The following EDARADD variants were observed in gnomAD, a reference collection of about 807,000 sequenced individuals.
The protein encoded by EDARADD is EDAR associated via death domain, also known as ectodysplasin-A receptor-associated adapter protein.
Under a neutral mutation model 25.6 loss-of-function variants are expected in EDARADD, and 20 were observed. That is an observed-to-expected ratio of 0.78 (90% CI 0.55 to 1.14). The LOEUF is 1.14. EDARADD is among the 50% of genes most tolerant of loss of function. The pLI, the probability that EDARADD is intolerant of heterozygous loss-of-function variation, is 0.00. For synonymous variants in EDARADD, 86 were observed against 94.4 expected (o/e 0.91, Z 0.52); for missense variants, 225 against 270.1 (o/e 0.83, Z 1.17).
At chr1:236,397,303 G>T (rs149658178) in intron 1 of EDARADD, among the ~76,000 whole-genome samples, 3 of 152,038 alleles carry the variant, frequency 2.0e-5, no homozygotes, top group African/African-American at 7.2e-5. Flanking sequence ...CCAGCTACTC[G>T]GGGGGCTGAG....
chr1:236,415,017 C>T (rs745610432), intron 3 of EDARADD, among the ~76,000 whole-genome samples: 2 of 152,134 alleles, frequency 1.3e-5, no homozygotes, highest in South Asian at 2.1e-4. Flanking sequence ...GATTTCCCCC[C>T]GTGGAGGGAA....
At chr1:236,362,656 T>G (rs1301553827) in intron 3 of EDARADD, among the ~76,000 whole-genome samples, 1 of 152,154 alleles carries the variant, frequency 6.6e-6, no homozygotes, top group Non-Finnish European at 1.5e-5. Flanking sequence ...CTCCTTTGCT[T>G]CTTCTAGAAG....
chr1:236,365,422 A>G (rs1371314859), intron 3 of EDARADD, among the ~76,000 whole-genome samples: 3 of 152,116 alleles, frequency 2.0e-5, no homozygotes, highest in Non-Finnish European at 4.4e-5. Flanking sequence ...TGGCTTCCCA[A>G]AGTTCTAGCA....
chr1:236,360,706 C>A (rs1424258929), intron 3 of EDARADD, among the ~76,000 whole-genome samples: 1 of 151,880 alleles, frequency 6.6e-6, no homozygotes, highest in Non-Finnish European at 1.5e-5. Context: ...CCACTGTGCC[C>A]AGCTAATTTT....
intron 1 of EDARADD, among the ~76,000 whole-genome samples, chr1:236,403,339 G>A (rs564934912): frequency 6.6e-6 from 1 of 152,126 alleles, no homozygotes; most frequent in African/African-American, 2.4e-5. Flanking sequence ...CCAGGCTGGA[G>A]TGCAGTGGCG....
chr1:236,430,989 G>A (rs1170371069), intron 4 of EDARADD, among the ~76,000 whole-genome samples: 5 of 152,274 alleles, frequency 3.3e-5, no homozygotes, highest in Non-Finnish European at 4.4e-5. Context: ...AGTGGCAGGC[G>A]CCTGTAATCC....
intron 4 of EDARADD, among the ~76,000 whole-genome samples, chr1:236,430,915 A>T (rs1479209810): frequency 1.3e-5 from 2 of 152,204 alleles, no homozygotes; most frequent in Non-Finnish European, 2.9e-5. Flanking sequence ...CAGGAGTTTA[A>T]GACCAGCCTG....
At chr1:236,471,520 AAGG>A (rs1466731013) in intron 5 of EDARADD, among the ~76,000 whole-genome samples, 1 of 152,062 alleles carries the variant, frequency 6.6e-6, no homozygotes, top group African/African-American at 2.4e-5. Context: ...GTTACTGCAG[AAGG>A]ATGTGACTCT....
intron 4 of EDARADD, among the ~76,000 whole-genome samples, chr1:236,454,224 T>A (rs1454163129): frequency 6.6e-6 from 1 of 152,042 alleles, no homozygotes; most frequent in East Asian, 1.9e-4. Flanking sequence ...TTTTTGTAGT[T>A]TTTTTAGTAG....
In EDARADD at chr1:236,376,213, G is replaced by T. The variant is rs145483577; in HGVS notation, c.-6+25374G>T. Among the ~76,000 whole-genome samples the T allele has an allele frequency of 4.4e-3, 674 of 152,226 alleles. 12 individuals are homozygous for T. The highest frequency in any genetic ancestry group is 0.015 in the African/African-American group (633 of 41,556). ...TCCTCCCAAAGTGCTGGGATTATGG[G>T]AGTGAGCCACCATGCCCGGCCTACT... is the stretch of plus-strand genomic sequence containing the variant. On this transcript the variant is annotated intron_variant, in intron 3 of 7. Coordinates refer to the EDARADD transcript ENST00000439430.
At chr1:236,382,990 C>T (rs1196932795) in intron 3 of EDARADD, among the ~76,000 whole-genome samples, 3 of 152,224 alleles carry the variant, frequency 2.0e-5, no homozygotes, top group Non-Finnish European at 1.5e-5. Flanking sequence ...GTATTCTGTC[C>T]TGAGACTTCT....
chr1:236,438,823 T>C lies in EDARADD; in HGVS notation c.219+11373T>C, dbSNP rs578030648. Among the ~76,000 whole-genome samples, 3 of 152,256 alleles carry C rather than the reference T, an allele frequency of 2.0e-5. No homozygotes were observed. In the South Asian group the frequency reaches 6.2e-4, roughly 32 times the overall value. On this transcript the variant is annotated intron_variant, in intron 4 of 5. Coordinates refer to ENST00000334232, the MANE Select transcript of EDARADD (RefSeq NM_145861.4). ...CATCGTAACGGTGCGTTTGTTATGA[T>C]TGATGAACCTACGCTGACACACCAT...
intron 3 of EDARADD, among the ~76,000 whole-genome samples, chr1:236,417,102 T>A (rs112989523): frequency 1.3e-5 from 2 of 148,292 alleles, no homozygotes; most frequent in Non-Finnish European, 3.0e-5. Flanking sequence ...GGTAACAGAA[T>A]GAGACCCTGT....
chr1:236,430,163 A>C (rs553410574), intron 4 of EDARADD, among the ~76,000 whole-genome samples: 1 of 152,150 alleles, frequency 6.6e-6, no homozygotes, highest in African/African-American at 2.4e-5. Context: ...GTTTTGGGGA[A>C]TTTTCAACCA....
intron 3 of EDARADD, among the ~76,000 whole-genome samples, chr1:236,369,451 T>C (rs1301072002): frequency 6.6e-6 from 1 of 152,250 alleles, no homozygotes; most frequent in Non-Finnish European, 1.5e-5. Context: ...TCATCTGCCA[T>C]TTTGGCTTCT....
At chr1:236,464,220 G>A (rs1429318295) in intron 4 of EDARADD, among the ~76,000 whole-genome samples, 1 of 151,400 alleles carries the variant, frequency 6.6e-6, no homozygotes, top group Non-Finnish European at 1.5e-5. Flanking sequence ...TCTTCACTTG[G>A]TGCTCAGAGC....
intron 2 of EDARADD, among the ~76,000 whole-genome samples, chr1:236,411,905 C>G (rs1409304113): frequency 6.6e-6 from 1 of 152,172 alleles, no homozygotes; most frequent in Non-Finnish European, 1.5e-5. Context: ...CTACCCTCCT[C>G]ATAACTTAAC....
chr1:236,388,981 C>G (rs934946302), intron 3 of EDARADD, among the ~76,000 whole-genome samples: 1 of 134,870 alleles, frequency 7.4e-6, no homozygotes, highest in Admixed American at 8.3e-5. Flanking sequence ...TTTCTTGCAA[C>G]AGCAATAACC....
intron 3 of EDARADD, among the ~76,000 whole-genome samples, chr1:236,380,326 A>AT (rs953561663): frequency 2.0e-5 from 3 of 151,988 alleles, no homozygotes; most frequent in South Asian, 4.1e-4. Flanking sequence ...TTTTACTTTC[A>AT]TTTTTTTTAA....
Sources: allele counts gnomAD v4.1 joint callset (sites outside exome capture counted in the v4.1 genomes callset), GRCh38; gene constraint gnomAD v4.1.1; transcripts MANE v1.5; gene names NCBI Gene and HGNC (gene_info 2026-07-23, HGNC 2026-07-21).